Variants in DNAH14 observed in about 807,000 individuals in gnomAD.
The protein encoded by DNAH14 is dynein axonemal heavy chain 14.
A neutral mutation model predicts 520.9 loss-of-function variants in DNAH14; 478 were observed. The observed-to-expected ratio is 0.92, with a 90% CI of 0.85 to 0.99. The LOEUF (loss-of-function observed/expected upper bound fraction) is 0.99. Ranked by LOEUF, DNAH14 falls within the 50% of genes least tolerant of loss-of-function variation. The pLI, the probability that DNAH14 is intolerant of heterozygous loss-of-function variation, is 0.00. For synonymous variants in DNAH14, 1,581 were observed against 1,757.2 expected, an observed-to-expected ratio of 0.90 and a Z score of 2.51; for missense variants, 4,831 against 5,234.5, an observed-to-expected ratio of 0.92 and a Z score of 2.38.
intron 21 of DNAH14, among the ~76,000 whole-genome samples, chr1:225,086,716 A>C (rs2073848244): frequency 6.6e-6 from 1 of 151,478 alleles, no homozygotes; most frequent in Non-Finnish European, 1.5e-5. Flanking sequence ...CATGCAGTAC[A>C]AAAAAAATGA....
At chr1:225,362,300 C>T (rs1157326791) in intron 75 of DNAH14, among the ~76,000 whole-genome samples, 1 of 152,014 alleles carries the variant, frequency 6.6e-6, no homozygotes, top group Non-Finnish European at 1.5e-5. Flanking sequence ...CCGGGCCGGG[C>T]GCGGTGGCTC....
chr1:225,385,584 A>AT (rs2095831566), intron 81 of DNAH14, among the ~76,000 whole-genome samples: 1 of 152,202 alleles, frequency 6.6e-6, no homozygotes. Flanking sequence ...ATACACCAAT[A>AT]ACAGACAAAC....
chr1:225,133,191 A>C (rs1263112233), intron 27 of DNAH14, among the ~76,000 whole-genome samples: 1 of 152,018 alleles, frequency 6.6e-6, no homozygotes, highest in Non-Finnish European at 1.5e-5. Context: ...CTCTGATGAT[A>C]GTTTCTTTTG....
chr1:225,274,769 G>A (rs2093425100), intron 52 of DNAH14, among the ~76,000 whole-genome samples: 1 of 152,186 alleles, frequency 6.6e-6, no homozygotes, highest in Non-Finnish European at 1.5e-5. Flanking sequence ...GGCAACTACA[G>A]TACCCCAAAT....
intron 43 of DNAH14, among the ~76,000 whole-genome samples, chr1:225,248,395 T>C (rs1400116203): frequency 6.6e-6 from 1 of 152,158 alleles, no homozygotes; most frequent in African/African-American, 2.4e-5. Context: ...CAAAATAAGA[T>C]GGAAGAGGGG....
At chr1:224,929,671 C>T, upstream of DNAH14, 1 of 702,466 alleles carries the variant, frequency 1.4e-6, no homozygotes, top group Non-Finnish European at 2.6e-6. Flanking sequence ...AGGCGTGGCT[C>T]TTGGTCAGGC....
At chr1:224,987,115 AGAAAGAGAC>A (rs2062698106) in intron 8 of DNAH14, among the ~76,000 whole-genome samples, 2 of 109,810 alleles carry the variant, frequency 1.8e-5, no homozygotes, top group East Asian at 3.7e-4. Flanking sequence ...GAGGAGAGAG[AGAAAGAGAC>A]AGAGACAGAG....
At chr1:225,253,169 A>G (rs78070650) in intron 44 of DNAH14, among the ~76,000 whole-genome samples, 4,218 of 152,282 alleles carry the variant, frequency 0.028, 82 homozygotes, top group Non-Finnish European at 0.042. Context: ...ATTTTATTCA[A>G]TATTTTGTTA....
rs2095533666 is a variant in DNAH14, at chr1:225,364,846, A to C, written c.12042A>C (p.Ser4014=). The change falls in exon 76 of 86, where the codon TCA becomes TCC. Residue 4014 remains serine (S), a synonymous_variant. Coordinates refer to ENST00000682510, the MANE Select transcript of DNAH14 (RefSeq NM_001367479.1). ...CTGAGTTTCGGCTATGGTTAAGCTC[A>C]AAATCATACAGTTCTTTTCCAATTC... is the stretch of plus-strand genomic sequence containing the variant. The part of the protein sequence containing the change: ...IDPEFRLWLS[S]KSYSSFPIPV... The C allele has an allele frequency of 1.3e-6, 2 of 1,549,114 alleles. No homozygotes were observed. Among genetic ancestry groups the C allele is most frequent in the South Asian group, 1.2e-5 (1 of 83,834 alleles).
intron 71 of DNAH14, 72 bp from the exon 72 acceptor site, chr1:225,351,575 C>A: frequency 9.5e-7 from 1 of 1,047,950 alleles, no homozygotes; most frequent in Non-Finnish European, 1.3e-6. Flanking sequence ...TGTCAAGTAT[C>A]TACTTTGTAA....
At chr1:225,192,991 C>T in intron 38 of DNAH14, 80 bp downstream of exon 38, 1 of 1,014,336 alleles carries the variant, frequency 9.9e-7, no homozygotes, top group Non-Finnish European at 1.4e-6. Flanking sequence ...GATATTAAAA[C>T]ATCATTAGAC....
intron 84 of DNAH14, among the ~76,000 whole-genome samples, chr1:225,393,822 T>G (rs1376956294): frequency 1.5e-4 from 22 of 149,014 alleles, no homozygotes; most frequent in East Asian, 5.9e-4. Context: ...TTGTTTTTTT[T>G]TTGTTTTTTT....
chr1:225,209,830 T>G (rs2088110927), intron 41 of DNAH14, among the ~76,000 whole-genome samples: 1 of 151,806 alleles, frequency 6.6e-6, no homozygotes, highest in South Asian at 2.1e-4. Flanking sequence ...GGTTAGACAG[T>G]GAGTGTAGCC....
chr1:225,087,987 C>T (rs1013142473), intron 21 of DNAH14, among the ~76,000 whole-genome samples: 2 of 152,134 alleles, frequency 1.3e-5, no homozygotes, highest in Non-Finnish European at 2.9e-5. Flanking sequence ...ATGGAATAAC[C>T]AGTCCTGAAT....
Position 225,145,340 on chromosome 1 carries a change from TTGTG to T in DNAH14, c.4758_4761del (p.Cys1586TrpfsTer13). ...TTGTTTCCCAGTCCTTAGGCAAACA[TTGTG>T]TGGTCTTCAACTGTTTTGAGGATTT... is the stretch of plus-strand genomic sequence containing the variant. On this transcript the variant is annotated frameshift_variant, in exon 30 of 86. Coordinates refer to ENST00000682510, the MANE Select transcript of DNAH14 (RefSeq NM_001367479.1). LOFTEE classifies it high-confidence loss of function. 1 of 1,546,400 alleles carries T rather than the reference TTGTG, an allele frequency of 6.5e-7. No individual in the cohort carries two copies. Among genetic ancestry groups the T allele is most frequent in the South Asian group, 1.2e-5 (1 of 82,476 alleles).
intron 42 of DNAH14, among the ~76,000 whole-genome samples, chr1:225,234,963 T>G (rs186993759): frequency 6.6e-6 from 1 of 152,310 alleles, no homozygotes; most frequent in East Asian, 1.9e-4. Flanking sequence ...GATGGGGTTT[T>G]CTAGATATAG....
At chr1:224,993,203 G>T (rs2063170169) in intron 8 of DNAH14, among the ~76,000 whole-genome samples, 1 of 152,034 alleles carries the variant, frequency 6.6e-6, no homozygotes, top group South Asian at 2.1e-4. Flanking sequence ...TTTGGATCAT[G>T]ATAGTGCTGG....
At chr1:225,310,736 T>C (rs2094347445) in intron 60 of DNAH14, among the ~76,000 whole-genome samples, 1 of 152,180 alleles carries the variant, frequency 6.6e-6, no homozygotes, top group Non-Finnish European at 1.5e-5. Flanking sequence ...CTGAGAGTGA[T>C]GGTTTCCAGG....
At chr1:225,364,395 T>C (rs1376049711) in intron 75 of DNAH14, among the ~76,000 whole-genome samples, 2 of 152,224 alleles carry the variant, frequency 1.3e-5, no homozygotes, top group Non-Finnish European at 2.9e-5. Context: ...TTCTCTTCCC[T>C]CTATTTATTT....
Sources: allele counts gnomAD v4.1 joint callset (sites outside exome capture counted in the v4.1 genomes callset), GRCh38; gene constraint gnomAD v4.1.1; transcripts MANE v1.5; gene names NCBI Gene and HGNC (gene_info 2026-07-23, HGNC 2026-07-21).